The following MAGI2 variants were observed in gnomAD, a reference collection of about 807,000 sequenced individuals.
The protein encoded by MAGI2 is membrane associated guanylate kinase, WW and PDZ domain containing 2.
In MAGI2, 35 loss-of-function variants were observed where a neutral mutation model predicts 133.3. The observed-to-expected ratio is 0.26, with a 90% CI of 0.20 to 0.35. The LOEUF (loss-of-function observed/expected upper bound fraction) is 0.35, where lower values mean the gene tolerates loss of function less well. Among genes scored for constraint, MAGI2 ranks in the 10% least tolerant of loss-of-function variants. The probability of loss-of-function intolerance (pLI) is 1.00; values close to 1 mark genes in which losing one functional copy is unlikely to be tolerated. For missense variants in MAGI2, 1,636 were observed against 1,863.4 expected, an observed-to-expected ratio of 0.88 and a Z score of 2.25; for synonymous variants, 729 against 710.6, an observed-to-expected ratio of 1.03 and a Z score of -0.41.
chr7:78,747,367 T>C (rs747100072), intron 2 of MAGI2, among the ~76,000 whole-genome samples: 37 of 152,314 alleles, frequency 2.4e-4, no homozygotes, highest in Non-Finnish European at 4.9e-4. Flanking sequence ...AATGCATTAT[T>C]TGAATCATTT....
intron 2 of MAGI2, among the ~76,000 whole-genome samples, chr7:78,829,849 C>T (rs1430986475): frequency 6.6e-6 from 1 of 151,904 alleles, no homozygotes; most frequent in Non-Finnish European, 1.5e-5. Flanking sequence ...AAGAATGTAT[C>T]CAAAGTGTTA....
intron 2 of MAGI2, among the ~76,000 whole-genome samples, chr7:78,767,368 A>G (rs1049146010): frequency 6.6e-6 from 1 of 151,684 alleles, no homozygotes; most frequent in Non-Finnish European, 1.5e-5. Context: ...TTTTACAATT[A>G]AAATTCTGTT....
At chr7:78,771,398 G>A (rs1476458508) in intron 2 of MAGI2, 1 of 152,194 alleles carries the variant, frequency 6.6e-6, no homozygotes, top group African/African-American at 2.4e-5. Flanking sequence ...CCAGTGAGAT[G>A]GATGGAGTGT....
At chr7:78,497,086 T>C (rs1794156848) in intron 5 of MAGI2, among the ~76,000 whole-genome samples, 1 of 151,030 alleles carries the variant, frequency 6.6e-6, no homozygotes, top group Non-Finnish European at 1.5e-5. Context: ...GTCCTTGATA[T>C]GTAATAACTC....
In MAGI2 at chr7:78,018,095, C is replaced by G. The variant is rs1187196764; in HGVS notation, c.*1220G>C. 4 of 152,074 alleles carry G rather than the reference C, an allele frequency of 2.6e-5. No individual in the cohort carries two copies. The highest frequency in any genetic ancestry group is 7.2e-5 in the African/African-American group (3 of 41,406). 9.4% of individuals were successfully genotyped at this position (152,074 alleles called of 1,614,324 possible). ...TTTTACTAGGAGGTCAATCATAGAT[C>G]CATGAAGATAAACATCTAGAAGTTG... On this transcript the variant is annotated 3_prime_UTR_variant, in exon 22 of 22. Transcript: ENST00000354212.
chr7:79,425,430 C>T (rs1000887135), intron 1 of MAGI2, among the ~76,000 whole-genome samples: 2 of 151,742 alleles, frequency 1.3e-5, no homozygotes, highest in Non-Finnish European at 2.9e-5. Flanking sequence ...AGTCCTGGAC[C>T]ACCTGTGTGC....
intron 9 of MAGI2, among the ~76,000 whole-genome samples, chr7:78,325,965 C>A (rs1788540098): frequency 6.6e-6 from 1 of 152,182 alleles, no homozygotes; most frequent in African/African-American, 2.4e-5. Flanking sequence ...CTTTTATAAT[C>A]TTTCCATTCC....
At chr7:79,064,163 A>ATTTCTAGCT (rs1814073250) in intron 1 of MAGI2, among the ~76,000 whole-genome samples, 1 of 151,996 alleles carries the variant, frequency 6.6e-6, no homozygotes, top group South Asian at 2.1e-4. Flanking sequence ...TACAGAGAAT[A>ATTTCTAGCT]TTTCTAGCTA....
intron 1 of MAGI2, among the ~76,000 whole-genome samples, chr7:79,136,027 A>AAGAAAGAG: frequency 8.1e-6 from 1 of 123,016 alleles, no homozygotes; most frequent in Non-Finnish European, 1.6e-5. Flanking sequence ...GAAAGAAAGA[A>AAGAAAGAG]GGAAAGAAAG....
At chr7:78,302,591 T>C (rs1797923470) in intron 9 of MAGI2, among the ~76,000 whole-genome samples, 1 of 152,232 alleles carries the variant, frequency 6.6e-6, no homozygotes, top group African/African-American at 2.4e-5. Flanking sequence ...AACAGCTTCA[T>C]CTGGGATCTT....
intron 1 of MAGI2, among the ~76,000 whole-genome samples, chr7:79,400,820 T>G (rs1845416741): frequency 6.6e-6 from 1 of 152,094 alleles, no homozygotes. Context: ...TATAGTATGT[T>G]CTACATACTA....
At chr7:78,268,466 C>T (rs1483746909) in intron 9 of MAGI2, among the ~76,000 whole-genome samples, 1 of 152,092 alleles carries the variant, frequency 6.6e-6, no homozygotes, top group Non-Finnish European at 1.5e-5. Flanking sequence ...CCAGAGACTT[C>T]ATTTTATTTT....
chr7:79,260,753 T>C (rs1295391031), intron 1 of MAGI2, among the ~76,000 whole-genome samples: 2 of 152,192 alleles, frequency 1.3e-5, no homozygotes, highest in East Asian at 1.9e-4. Flanking sequence ...ATATAAGATG[T>C]ATATGAAACG....
chr7:78,300,119 A>G (rs1482562081), intron 9 of MAGI2, among the ~76,000 whole-genome samples: 1 of 152,212 alleles, frequency 6.6e-6, no homozygotes, highest in Non-Finnish European at 1.5e-5. Flanking sequence ...CACAAAAATC[A>G]CAGACATTTT....
intron 1 of MAGI2, among the ~76,000 whole-genome samples, chr7:79,335,998 T>C (rs1455603542): frequency 3.9e-5 from 6 of 152,038 alleles, no homozygotes; most frequent in Non-Finnish European, 7.4e-5. Context: ...TAACATAGAG[T>C]AGACATTCAA....
intron 2 of MAGI2, among the ~76,000 whole-genome samples, chr7:78,943,635 C>T (rs1426812690): frequency 6.6e-6 from 1 of 151,986 alleles, no homozygotes; most frequent in Non-Finnish European, 1.5e-5. Context: ...GAGAACATTT[C>T]TTGGAACAAC....
chr7:78,385,082 T>C (rs1795260611), intron 6 of MAGI2, among the ~76,000 whole-genome samples: 1 of 152,182 alleles, frequency 6.6e-6, no homozygotes, highest in Admixed American at 6.6e-5. Context: ...TGGGCACTTG[T>C]CAAATTGGGG....
In MAGI2 at chr7:79,115,307, G is replaced by T. The variant is rs971543617; in HGVS notation, c.302-108101C>A. Among the ~76,000 whole-genome samples, 4 of 152,208 alleles carry T rather than the reference G, an allele frequency of 2.6e-5. No individual in the cohort carries two copies. The East Asian group carries it at 7.7e-4, about 29-fold the overall frequency. On this transcript the variant is annotated intron_variant, in intron 1 of 21. Transcript: ENST00000354212. ...GGTGACAGACAAGATAAACTCTAAAGTCATATTCACATTACCAAAGGAAAA... is the reference window on the plus strand; with the variant it reads ...GGTGACAGACAAGATAAACTCTAAATTCATATTCACATTACCAAAGGAAAA...
chr7:78,986,124 A>G (rs1030887861), intron 2 of MAGI2, among the ~76,000 whole-genome samples: 6 of 152,102 alleles, frequency 3.9e-5, no homozygotes, highest in Non-Finnish European at 7.4e-5. Context: ...CCAAAGCTGA[A>G]GTAACACTAC....
Sources: allele counts gnomAD v4.1 joint callset (sites outside exome capture counted in the v4.1 genomes callset), GRCh38; gene constraint gnomAD v4.1.1; transcripts MANE v1.5; gene names NCBI Gene and HGNC (gene_info 2026-07-23, HGNC 2026-07-21).